Variants in SCUBE1 observed in about 807,000 individuals in gnomAD.
SCUBE1 encodes signal peptide, CUB and EGF-like domain-containing protein 1.
A neutral mutation model predicts 124.4 loss-of-function variants in SCUBE1; 59 were observed. The ratio of observed to expected loss-of-function variants is 0.47; its 90% CI spans 0.38 to 0.59. The LOEUF (loss-of-function observed/expected upper bound fraction) is 0.59. Ranked by LOEUF, SCUBE1 falls within the 20% of genes least tolerant of loss-of-function variation. SCUBE1 has a pLI of 0.00. For synonymous variants in SCUBE1, 545 were observed against 550.9 expected (o/e 0.99, Z 0.15); for missense variants, 1,150 against 1,371.2 (o/e 0.84, Z 2.55).
chr22:43,214,046 C>CGGGGGGGGGGGGG, intron 16 of SCUBE1, 44 bp downstream of exon 16: 3 of 422,702 alleles, frequency 7.1e-6, no homozygotes, highest in Non-Finnish European at 1.2e-5. Flanking sequence ...GAGGAGCCCC[C>CGGGGGGGGGGGGG]GCCCACCCCC....
intron 1 of SCUBE1, among the ~76,000 whole-genome samples, chr22:43,339,760 C>A (rs866202371): frequency 2.1e-4 from 15 of 70,982 alleles, no homozygotes; most frequent in African/African-American, 4.6e-4. Context: ...ACCCTCCCCC[C>A]ACTCTCCTCA....
At chr22:43,280,267 C>G (rs115907009) in intron 4 of SCUBE1, among the ~76,000 whole-genome samples, 1 of 152,100 alleles carries the variant, frequency 6.6e-6, no homozygotes, top group South Asian at 2.1e-4. Context: ...CCAGAGCCAC[C>G]GAAACTTAAA....
At chr22:43,226,425 G>GT (rs1430026031) in intron 10 of SCUBE1, among the ~76,000 whole-genome samples, 3 of 139,706 alleles carry the variant, frequency 2.1e-5, no homozygotes, top group Non-Finnish European at 3.2e-5. Flanking sequence ...GAGTGCTGGT[G>GT]TGGGGGGGCC....
In SCUBE1 at chr22:43,238,868, T is replaced by C; in HGVS notation, c.814A>G (p.Thr272Ala). The change falls in exon 7 of 22, where the codon ACA (threonine) becomes GCA (alanine). Residue 272 changes from threonine to alanine, a missense_variant. By Grantham distance (58) the Thr-to-Ala change is moderately conservative. This residue lies in a region of SCUBE1 where 337 missense variants were observed against 482.1 expected (regional missense o/e 0.70). Coordinates refer to ENST00000360835, the MANE Select transcript of SCUBE1 (RefSeq NM_173050.5). ...GVRCSCPVGF[T>A]LQPDGKTCKD... ...CATGTCTTCCCGTCCGGCTGCAGTG[T>C]GAATCCAACGGGGCAGCTGCATCGC... 1 of 1,613,260 alleles carries C rather than the reference T, an allele frequency of 6.2e-7. No homozygotes were observed. The highest frequency in any genetic ancestry group is 1.1e-5 in the South Asian group (1 of 91,090).
intron 6 of SCUBE1, among the ~76,000 whole-genome samples, chr22:43,240,858 G>C (rs529190098): frequency 1.3e-5 from 2 of 152,268 alleles, no homozygotes; most frequent in South Asian, 4.1e-4. Flanking sequence ...TCCTGTGGGA[G>C]AGCCCCCCTC....
chr22:43,222,769 G>GGCC, intron 11 of SCUBE1, 27 bp from the exon 12 acceptor site: 1 of 1,531,136 alleles, frequency 6.5e-7, no homozygotes, highest in Admixed American at 1.8e-5. Context: ...GGGTGAGGTG[G>GGCC]GCCTGGTGCT....
intron 7 of SCUBE1, 192 bp from the exon 8 acceptor site, chr22:43,232,067 G>T: frequency 1.6e-6 from 1 of 615,898 alleles, no homozygotes. Flanking sequence ...CAGGGTCGGG[G>T]CTGGGTTGTA....
At chr22:43,251,828 G>A (rs1265359530) in intron 6 of SCUBE1, among the ~76,000 whole-genome samples, 3 of 152,188 alleles carry the variant, frequency 2.0e-5, no homozygotes, top group East Asian at 1.9e-4. Context: ...CAAGAGGAGC[G>A]GAATGCTCCA....
In SCUBE1 at chr22:43,255,867, GAGA is replaced by G. The variant is rs1923641893; in HGVS notation, c.727+2349_727+2351del. Among the ~76,000 whole-genome samples the G allele has an allele frequency of 6.6e-6, 1 of 152,054 alleles. No individual in the cohort carries two copies. Among genetic ancestry groups the G allele is most frequent in the African/African-American group, 2.4e-5 (1 of 41,318 alleles). On this transcript the variant is annotated intron_variant, in intron 6 of 21. Transcript: ENST00000360835. This position sits in a 1 kb window ranked among gnomAD's most constrained non-coding sequence, Gnocchi z 4.7. ...CTCAGGGCCCATGGGCAAGCAAACAGAGAAGGAGGCTGAGGTCAGGGCAGACGG... is the reference window on the plus strand; with the variant it reads ...CTCAGGGCCCATGGGCAAGCAAACAGAGGAGGCTGAGGTCAGGGCAGACGG...
intron 3 of SCUBE1, among the ~76,000 whole-genome samples, chr22:43,305,051 AC>A (rs906735497): frequency 6.6e-6 from 1 of 151,558 alleles, no homozygotes; most frequent in African/African-American, 2.4e-5. Context: ...CCCAATAATC[AC>A]CCCCACTGCC....
chr22:43,281,455 T>TCCCTCTTTGGCCACCCTCCTGTCACCTCC (rs1569010641), intron 4 of SCUBE1, among the ~76,000 whole-genome samples: 20 of 53,630 alleles, frequency 3.7e-4, no homozygotes, highest in Non-Finnish European at 6.0e-4. Context: ...TCCTGTCATC[T>TCCCTCTTTGGCCACCCTCCTGTCACCTCC]CCCTCAGCCA....
chr22:43,238,744 T>C (rs57531768), intron 7 of SCUBE1, 94 bp downstream of exon 7: 77,549 of 1,030,032 alleles, frequency 0.075, 7,341 homozygotes, highest in African/African-American at 0.37. Flanking sequence ...GTGGCCCCCG[T>C]TCAGCCCAGC....
At chr22:43,336,957 C>A (rs9623814) in intron 2 of SCUBE1, among the ~76,000 whole-genome samples, 1 of 150,308 alleles carries the variant, frequency 6.7e-6, no homozygotes, top group African/African-American at 2.4e-5. Context: ...GTGTGTATGT[C>A]TGTGTGTGTG....
chr22:43,308,676 C>T (rs573409009), intron 3 of SCUBE1, among the ~76,000 whole-genome samples: 3 of 152,200 alleles, frequency 2.0e-5, no homozygotes, highest in Admixed American at 6.5e-5. Flanking sequence ...GGCGCCTGCA[C>T]GGAGCATCTG....
intron 21 of SCUBE1, among the ~76,000 whole-genome samples, chr22:43,206,046 C>T (rs1921255564): frequency 6.8e-6 from 1 of 146,300 alleles, no homozygotes. Flanking sequence ...CACACTCACC[C>T]CCACACACAC....
intron 2 of SCUBE1, among the ~76,000 whole-genome samples, chr22:43,327,999 G>C (rs1926782485): frequency 6.6e-6 from 1 of 152,152 alleles, no homozygotes; most frequent in Non-Finnish European, 1.5e-5. Flanking sequence ...TGCATCTCCA[G>C]GGATCTCTGC....
chr22:43,298,007 C>T (rs1275909282), intron 3 of SCUBE1, among the ~76,000 whole-genome samples: 2 of 152,228 alleles, frequency 1.3e-5, no homozygotes, highest in African/African-American at 2.4e-5. Flanking sequence ...ACCTCCAGCA[C>T]GGAGAGCTCC....
intron 10 of SCUBE1, 107 bp from the exon 11 acceptor site, chr22:43,223,323 T>G: frequency 7.7e-7 from 1 of 1,300,740 alleles, no homozygotes; most frequent in Non-Finnish European, 1.0e-6. Context: ...AACTCCCTTC[T>G]TCCATGGCTG....
chr22:43,328,627 A>G (rs3091358), intron 2 of SCUBE1, among the ~76,000 whole-genome samples: 93,915 of 152,088 alleles, frequency 0.62, 29,236 homozygotes, highest in African/African-American at 0.66. Context: ...TTAGCAGATC[A>G]GGGGCTCATG....
Sources: allele counts gnomAD v4.1 joint callset (sites outside exome capture counted in the v4.1 genomes callset), GRCh38; gene constraint gnomAD v4.1.1; regional missense constraint gnomAD v4.1.1; non-coding constraint Gnocchi (gnomAD v3.1); transcripts MANE v1.5; gene names NCBI Gene and HGNC (gene_info 2026-07-23, HGNC 2026-07-21).